Variants in DAB1 observed in about 807,000 individuals in gnomAD.
DAB1 encodes the protein DAB adaptor protein 1.
Under a neutral mutation model 64.6 loss-of-function variants are expected in DAB1, and 15 were observed. The observed-to-expected ratio is 0.23, with a 90% CI of 0.16 to 0.36. DAB1 has a LOEUF of 0.36. DAB1 is among the 10% of genes least tolerant of loss of function. The pLI is 1.00. For synonymous variants in DAB1, 235 were observed against 251.9 expected, an observed-to-expected ratio of 0.93 and a Z score of 0.64; for missense variants, 596 against 706.7, an observed-to-expected ratio of 0.84 and a Z score of 1.78.
intron 4 of DAB1, among the ~76,000 whole-genome samples, chr1:58,232,661 G>T (rs1045535983): frequency 1.3e-5 from 2 of 152,140 alleles, no homozygotes; most frequent in Non-Finnish European, 2.9e-5. Flanking sequence ...AGACTTACTC[G>T]GTCTCAAAAG....
intron 5 of DAB1, among the ~76,000 whole-genome samples, chr1:57,952,927 C>A (rs1645308783): frequency 6.6e-6 from 1 of 152,146 alleles, no homozygotes; most frequent in African/African-American, 2.4e-5. Context: ...CTGACTTGCA[C>A]CGATCATAAT....
intron 2 of DAB1, among the ~76,000 whole-genome samples, chr1:57,198,539 C>A (rs1463416503): frequency 6.6e-6 from 1 of 151,888 alleles, no homozygotes; most frequent in Admixed American, 6.6e-5. Flanking sequence ...AATCACCAAA[C>A]CTTTTCCCTT....
At chr1:58,187,102 A>T (rs111863865) in intron 4 of DAB1, among the ~76,000 whole-genome samples, 3 of 152,240 alleles carry the variant, frequency 2.0e-5, no homozygotes, top group African/African-American at 7.2e-5. Flanking sequence ...GCTCAAAGAG[A>T]TTAAATAAGC....
chr1:58,469,707 C>T (rs972749807), intron 3 of DAB1, among the ~76,000 whole-genome samples: 2 of 152,144 alleles, frequency 1.3e-5, no homozygotes, highest in South Asian at 2.1e-4. Context: ...ATAGCAAACA[C>T]CATTATTGAG....
chr1:57,261,758 C>T (rs1433260107), intron 2 of DAB1, among the ~76,000 whole-genome samples: 1 of 152,168 alleles, frequency 6.6e-6, no homozygotes, highest in Admixed American at 6.5e-5. Flanking sequence ...CCTGAGTCAA[C>T]GTCAACCTCT....
At chr1:57,453,672 CTTCT>C (rs1686474846) in intron 7 of DAB1, among the ~76,000 whole-genome samples, 1 of 152,084 alleles carries the variant, frequency 6.6e-6, no homozygotes, top group African/African-American at 2.4e-5. Context: ...ATTTAATCAG[CTTCT>C]TTGTTAATTC....
intron 3 of DAB1, among the ~76,000 whole-genome samples, chr1:58,435,047 C>A (rs1379281688): frequency 8.5e-5 from 13 of 152,200 alleles, no homozygotes; most frequent in Non-Finnish European, 1.5e-4. Flanking sequence ...CCCTCAAGGA[C>A]TTGCATCTTT....
At chr1:57,602,414 C>T (rs566612770) in intron 7 of DAB1, among the ~76,000 whole-genome samples, 6 of 152,264 alleles carry the variant, frequency 3.9e-5, no homozygotes, top group Non-Finnish European at 7.4e-5. Context: ...CTCTGGTATA[C>T]GATGAGTCAC....
chr1:58,363,590 T>A (rs995319), intron 3 of DAB1, among the ~76,000 whole-genome samples: 135,172 of 152,260 alleles, frequency 0.89, 60,071 homozygotes, highest in East Asian at 1. Context: ...TTTTTTTCCC[T>A]TCCTTCTGCA....
chr1:58,327,443 G>A (rs905197143), intron 4 of DAB1, among the ~76,000 whole-genome samples: 4 of 152,168 alleles, frequency 2.6e-5, no homozygotes, highest in Admixed American at 1.3e-4. Flanking sequence ...AGCAGTGTCA[G>A]TGACAAGCAG....
At chr1:57,977,429 G>T (rs1026938664) in intron 5 of DAB1, among the ~76,000 whole-genome samples, 8 of 152,082 alleles carry the variant, frequency 5.3e-5, no homozygotes, top group African/African-American at 1.9e-4. Context: ...TCAATTTGGG[G>T]CCAGGAAAGA....
chr1:58,105,721 T>G (rs564365218), intron 5 of DAB1, among the ~76,000 whole-genome samples: 28 of 152,332 alleles, frequency 1.8e-4, no homozygotes, highest in African/African-American at 6.5e-4. Flanking sequence ...GCAAGGCACT[T>G]AGGAATAATG....
chr1:57,545,561 C>T (rs1644847244), intron 7 of DAB1, among the ~76,000 whole-genome samples: 1 of 152,156 alleles, frequency 6.6e-6, no homozygotes, highest in Non-Finnish European at 1.5e-5. Flanking sequence ...GGCTCAAGGC[C>T]CTGGTTCCTG....
Position 56,994,867 on chromosome 1 carries a change from T to A in DAB1, c.*3277A>T, listed in dbSNP as rs1397912144. ...ATTTCTAAAAATTTTGCTGTTCTGT[T>A]GAATGCATTGTACATAAAGTTAAAA... is the stretch of plus-strand genomic sequence containing the variant. On this transcript the variant is annotated 3_prime_UTR_variant, in exon 15 of 15. Transcript: ENST00000371236. The A allele has an allele frequency of 6.6e-6, 1 of 152,230 alleles. No individual in the cohort carries two copies. Among genetic ancestry groups the A allele is most frequent in the Non-Finnish European group, 1.5e-5 (1 of 68,050 alleles). 9.4% of individuals were successfully genotyped at this position (152,230 alleles called of 1,614,324 possible).
At chr1:57,868,869 C>G (rs1199308630) in intron 1 of DAB1, among the ~76,000 whole-genome samples, 1 of 152,100 alleles carries the variant, frequency 6.6e-6, no homozygotes, top group African/African-American at 2.4e-5. Flanking sequence ...TGTCTTGACT[C>G]TTCCACCTAA....
intron 1 of DAB1, chr1:57,307,151 G>A (rs1382608063): frequency 1.3e-5 from 2 of 152,172 alleles, no homozygotes; most frequent in Admixed American, 6.5e-5. Flanking sequence ...TTCTAACAAC[G>A]ACTGTCATGG....
At chr1:58,369,395 G>T (rs1644245428) in intron 3 of DAB1, among the ~76,000 whole-genome samples, 1 of 152,160 alleles carries the variant, frequency 6.6e-6, no homozygotes, top group African/African-American at 2.4e-5. Context: ...ACATTTCTGA[G>T]ATCTTGATGA....
intron 4 of DAB1, among the ~76,000 whole-genome samples, chr1:58,215,401 GT>G (rs57757954): frequency 0.065 from 9,530 of 145,536 alleles, 801 homozygotes; most frequent in African/African-American, 0.2. Context: ...CCATGATAGT[GT>G]TTTTTTTTTT....
intron 4 of DAB1, among the ~76,000 whole-genome samples, chr1:58,199,787 C>T (rs1304150156): frequency 6.6e-6 from 1 of 152,160 alleles, no homozygotes; most frequent in African/African-American, 2.4e-5. Flanking sequence ...TTTTCAGTGG[C>T]TTCACACCAC....
Sources: allele counts gnomAD v4.1 joint callset (sites outside exome capture counted in the v4.1 genomes callset), GRCh38; gene constraint gnomAD v4.1.1; transcripts MANE v1.5; gene names NCBI Gene and HGNC (gene_info 2026-07-23, HGNC 2026-07-21).